ORC5: variants seen among roughly 807,000 people sequenced by gnomAD.
ORC5 encodes protein phosphatase 1, regulatory subunit 117.
A neutral mutation model predicts 58.8 loss-of-function variants in ORC5; 39 were observed. That is an observed-to-expected ratio of 0.66 (90% CI 0.51 to 0.87). The LOEUF (loss-of-function observed/expected upper bound fraction) is 0.87. Ranked by LOEUF, ORC5 falls within the 40% of genes least tolerant of loss-of-function variation. The pLI is 0.00. For synonymous variants in ORC5, 218 were observed against 177.6 expected (o/e 1.23, Z -1.81); for missense variants, 493 against 506.3 (o/e 0.97, Z 0.25).
At chr7:104,169,306 A>ACGCT in intron 8 of ORC5, among the ~76,000 whole-genome samples, 1 of 88,380 alleles carries the variant, frequency 1.1e-5, no homozygotes, top group South Asian at 4.5e-4. Flanking sequence ...TCCTTGTAGG[A>ACGCT]TGCTTGCAGA....
At chr7:104,171,752 G>A (rs1799214813) in intron 8 of ORC5, among the ~76,000 whole-genome samples, 1 of 152,148 alleles carries the variant, frequency 6.6e-6, no homozygotes, top group Non-Finnish European at 1.5e-5. Flanking sequence ...TACTCGGGAG[G>A]CTCAGGTGGT....
chr7:104,190,243 A>AG (rs1418839682), intron 5 of ORC5, among the ~76,000 whole-genome samples: 2 of 152,184 alleles, frequency 1.3e-5, no homozygotes, highest in Non-Finnish European at 2.9e-5. Context: ...ATCAGTAACA[A>AG]GGGAAAAAAT....
intron 12 of ORC5, among the ~76,000 whole-genome samples, chr7:104,149,292 TA>T (rs1798808903): frequency 6.6e-6 from 1 of 152,144 alleles, no homozygotes; most frequent in African/African-American, 2.4e-5. Flanking sequence ...TAGGTAAATA[TA>T]AAAATTGTGG....
chr7:104,128,484 A>G (rs900350842), intron 13 of ORC5, among the ~76,000 whole-genome samples: 1 of 152,162 alleles, frequency 6.6e-6, no homozygotes, highest in Admixed American at 6.6e-5. Context: ...AGGACCATAG[A>G]AAGGAAACGG....
At position 104,143,525 on chromosome 7, in the gene ORC5, T is replaced by A. The variant is rs529503111; in HGVS notation, c.1150-6632A>T. Among the ~76,000 whole-genome samples, 23 of 152,272 alleles carry A rather than the reference T, an allele frequency of 1.5e-4. No individual in the cohort carries two copies. The South Asian group carries it at 3.5e-3, about 23-fold the overall frequency. On this transcript the variant is annotated intron_variant, in intron 12 of 13. Coordinates refer to ENST00000297431, the MANE Select transcript of ORC5 (RefSeq NM_002553.4). ...AATCATGTAAATTGTGCAAAGAATA[T>A]AATATCACTTCAGCTGAAGATGCAG...
intron 13 of ORC5, among the ~76,000 whole-genome samples, chr7:104,135,787 T>A (rs187696252): frequency 6.6e-6 from 1 of 152,286 alleles, no homozygotes; most frequent in East Asian, 1.9e-4. Context: ...CATGCCTAAA[T>A]ACTGTTAATT....
chr7:104,160,842 CAAATT>C (rs763008533), intron 12 of ORC5, among the ~76,000 whole-genome samples: 19 of 151,904 alleles, frequency 1.3e-4, no homozygotes, highest in Non-Finnish European at 2.2e-4. Context: ...GAAAAAGAGC[CAAATT>C]AAATTATTTG....
intron 12 of ORC5, among the ~76,000 whole-genome samples, chr7:104,160,585 T>A (rs913855290): frequency 2.0e-5 from 3 of 152,164 alleles, no homozygotes; most frequent in African/African-American, 7.2e-5. Context: ...TTTCTATTTT[T>A]ATGCTTTGCT....
intron 12 of ORC5, among the ~76,000 whole-genome samples, chr7:104,156,773 T>C (rs778319931): frequency 2.6e-5 from 4 of 151,910 alleles, no homozygotes; most frequent in Admixed American, 1.3e-4. Flanking sequence ...GAAATATAAT[T>C]CATTGCCAAT....
chr7:104,137,961 G>T (rs1393370553), intron 12 of ORC5, among the ~76,000 whole-genome samples: 1 of 152,160 alleles, frequency 6.6e-6, no homozygotes, highest in Non-Finnish European at 1.5e-5. Flanking sequence ...CCTATAGATG[G>T]CAAAACTAAA....
At chr7:104,177,600 G>A (rs1037999134) in intron 8 of ORC5, among the ~76,000 whole-genome samples, 2 of 151,990 alleles carry the variant, frequency 1.3e-5, no homozygotes, top group African/African-American at 2.4e-5. Context: ...TAGCATACAC[G>A]TGCAGAACGT....
At chr7:104,175,863 A>G (rs1799311880) in intron 8 of ORC5, among the ~76,000 whole-genome samples, 1 of 152,234 alleles carries the variant, frequency 6.6e-6, no homozygotes, top group Non-Finnish European at 1.5e-5. Flanking sequence ...TAATTCTAGG[A>G]TACTTGGAGA....
chr7:104,197,032 G>A (rs1273673845), intron 4 of ORC5, among the ~76,000 whole-genome samples: 1 of 152,074 alleles, frequency 6.6e-6, no homozygotes, highest in Non-Finnish European at 1.5e-5. Context: ...GTCCGCCCCT[G>A]TCCTTTTCTT....
chr7:104,137,836 T>A (rs768882067), intron 12 of ORC5, among the ~76,000 whole-genome samples: 18 of 152,262 alleles, frequency 1.2e-4, no homozygotes, highest in Admixed American at 7.2e-4. Context: ...TTGCACTCAT[T>A]TTCCAAGCCC....
Position 104,195,204 on chromosome 7 carries a change from CT to C in ORC5, c.491del (p.Lys164SerfsTer21). On this transcript the variant is annotated frameshift_variant, in exon 5 of 14. Coordinates refer to ENST00000297431, the MANE Select transcript of ORC5 (RefSeq NM_002553.4). LOFTEE classifies it high-confidence loss of function. ...VLFLSEIVWE[K>X]FRPNTGCFEP... is the part of the protein sequence containing the mutation. ...CAAAGCATCCAGTATTTGGACGAAA[CT>C]TTTCCCAAACAATTTCACTGAGAAA... 6.4e-7 allele frequency: 1 copy of C among 1,574,176 alleles called. No homozygotes were observed. The highest frequency in any genetic ancestry group is 8.6e-7 in the Non-Finnish European group (1 of 1,165,686).
intron 12 of ORC5, among the ~76,000 whole-genome samples, chr7:104,158,667 G>A (rs1377397679): frequency 6.6e-6 from 1 of 151,932 alleles, no homozygotes; most frequent in African/African-American, 2.4e-5. Flanking sequence ...AGTGGGCGAA[G>A]GATATGAACA....
chr7:104,147,699 G>A (rs184092231), intron 12 of ORC5, among the ~76,000 whole-genome samples: 13 of 152,170 alleles, frequency 8.5e-5, no homozygotes, highest in African/African-American at 1.7e-4. Flanking sequence ...CACATATGTC[G>A]TGCTAAAGGT....
chr7:104,165,698 G>C (rs1385594070), intron 10 of ORC5: 1 of 163,164 alleles, frequency 6.1e-6, no homozygotes, highest in Non-Finnish European at 1.3e-5. Flanking sequence ...AATAAACACT[G>C]ATTGAGAGCA....
intron 12 of ORC5, among the ~76,000 whole-genome samples, chr7:104,141,615 A>T (rs554679051): frequency 6.6e-6 from 1 of 152,326 alleles, no homozygotes; most frequent in South Asian, 2.1e-4. Context: ...AGCTGTTAGA[A>T]CTAATAAATG....
Sources: allele counts gnomAD v4.1 joint callset (sites outside exome capture counted in the v4.1 genomes callset), GRCh38; gene constraint gnomAD v4.1.1; transcripts MANE v1.5; gene names NCBI Gene and HGNC (gene_info 2026-07-23, HGNC 2026-07-21).